The following WARS2 variants were observed in gnomAD, a reference collection of about 807,000 sequenced individuals.
WARS2 encodes tryptophanyl tRNA synthetase 2, mitochondrial.
In WARS2, 28 loss-of-function variants were observed where a neutral mutation model predicts 36.5. The ratio of observed to expected loss-of-function variants is 0.77; its 90% CI spans 0.57 to 1.05. The LOEUF is 1.05. WARS2 is among the 50% of genes least tolerant of loss of function. The pLI is 0.00. For synonymous variants in WARS2, 174 were observed against 178.4 expected (o/e 0.98, Z 0.20); for missense variants, 435 against 456.8 (o/e 0.95, Z 0.44).
intron 1 of WARS2, among the ~76,000 whole-genome samples, chr1:119,113,122 T>C (rs587671455): frequency 2.0e-5 from 3 of 152,312 alleles, no homozygotes; most frequent in East Asian, 3.9e-4. Flanking sequence ...TATGCTACTG[T>C]TAGTGATGAC....
intron 1 of WARS2, among the ~76,000 whole-genome samples, chr1:119,093,716 G>T (rs907730538): frequency 6.6e-6 from 1 of 152,154 alleles, no homozygotes; most frequent in Non-Finnish European, 1.5e-5. Flanking sequence ...AACTGTGAAA[G>T]AATACATTTC....
At chr1:119,085,462 T>G (rs587707784) in intron 1 of WARS2, 1 of 1,527,072 alleles carries the variant, frequency 6.5e-7, no homozygotes, top group Non-Finnish European at 8.8e-7. Context: ...TTTTCTTTTT[T>G]TCCTTTTTGT....
intron 2 of WARS2, among the ~76,000 whole-genome samples, chr1:119,057,344 C>G (rs555291319): frequency 6.6e-6 from 1 of 151,322 alleles, no homozygotes; most frequent in East Asian, 2.0e-4. Context: ...CAGGGTTTCA[C>G]CACATTGGCC....
rs1015633975 is a variant in WARS2 at position 119,031,624 on chromosome 1, C to T, written c.*1287G>A. 16 of 152,124 alleles carry T rather than the reference C, an allele frequency of 1.1e-4. No individual in the cohort carries two copies. The highest frequency in any genetic ancestry group is 2.2e-4 in the Non-Finnish European group (15 of 68,028). 9.4% of individuals were successfully genotyped at this position (152,124 alleles called of 1,614,324 possible). A position where few individuals can be genotyped will look rare whatever the true frequency, so the allele number is the denominator to read the frequency against. On this transcript the variant is annotated 3_prime_UTR_variant, in exon 6 of 6. Transcript: ENST00000235521. ...TCTGTTACAAAATCGATCTTGCTAA[C>T]AGGTCTTGGTGTATAAGTTAGGATT...
chr1:119,094,423 C>T (rs2101423086), intron 1 of WARS2, among the ~76,000 whole-genome samples: 1 of 151,862 alleles, frequency 6.6e-6, no homozygotes, highest in South Asian at 2.1e-4. Flanking sequence ...CATAATTACC[C>T]CAGCCCAAAC....
At chr1:119,093,383 T>C (rs1653179210) in intron 1 of WARS2, among the ~76,000 whole-genome samples, 1 of 151,376 alleles carries the variant, frequency 6.6e-6, no homozygotes, top group African/African-American at 2.4e-5. Flanking sequence ...TTGAATTATG[T>C]CCCTCCAAAA....
chr1:119,033,648 G>A (rs915432359), intron 5 of WARS2, among the ~76,000 whole-genome samples: 2 of 152,180 alleles, frequency 1.3e-5, no homozygotes, highest in African/African-American at 4.8e-5. Flanking sequence ...ATAGACTAAT[G>A]TAAGTGTTCT....
At chr1:119,140,654 G>A (rs201975705), upstream of WARS2, 63 of 1,609,854 alleles carry the variant, frequency 3.9e-5, no homozygotes, top group East Asian at 1.3e-3. Flanking sequence ...TCTTGAGAAG[G>A]GCGGAGCCGT....
At chr1:119,125,519 TG>T (rs771990525) in intron 1 of WARS2, among the ~76,000 whole-genome samples, 14 of 152,224 alleles carry the variant, frequency 9.2e-5, no homozygotes, top group Non-Finnish European at 1.3e-4. Context: ...ATTTGTTGAA[TG>T]AATCAATACT....
intron 2 of WARS2, among the ~76,000 whole-genome samples, chr1:119,051,528 G>A (rs1195186991): frequency 6.6e-6 from 1 of 152,052 alleles, no homozygotes; most frequent in South Asian, 2.1e-4. Flanking sequence ...ACGGTAGAAC[G>A]ATTTACATTC....
At chr1:119,062,542 T>C (rs1002744336) in intron 2 of WARS2, among the ~76,000 whole-genome samples, 9 of 152,214 alleles carry the variant, frequency 5.9e-5, no homozygotes, top group Non-Finnish European at 1.2e-4. Context: ...AAAAGTTGTA[T>C]GATTGATATG....
At chr1:119,127,301 C>A (rs1655735295) in intron 1 of WARS2, 1 of 651,910 alleles carries the variant, frequency 1.5e-6, no homozygotes, top group South Asian at 1.5e-5. Flanking sequence ...TGGTGCTGCT[C>A]AGAGCCAAAA....
intron 1 of WARS2, among the ~76,000 whole-genome samples, chr1:119,110,737 T>G (rs146446155): frequency 6.6e-6 from 1 of 152,236 alleles, no homozygotes; most frequent in South Asian, 2.1e-4. Flanking sequence ...ATTGATTCTG[T>G]TCCTGTCTCT....
At chr1:119,115,378 A>T (rs1345236803) in intron 1 of WARS2, among the ~76,000 whole-genome samples, 1 of 152,126 alleles carries the variant, frequency 6.6e-6, no homozygotes, top group Non-Finnish European at 1.5e-5. Context: ...TGGGATATAT[A>T]TTGTCACTGA....
Position 119,074,684 on chromosome 1 carries a change from C to T in WARS2, c.348+1666G>A, listed in dbSNP as rs151001104. Among the ~76,000 whole-genome samples, 358 of 152,272 alleles carry T rather than the reference C, an allele frequency of 2.4e-3. 2 individuals are homozygous for T. Among genetic ancestry groups the T allele is most frequent in the African/African-American group, 8.0e-3 (331 of 41,552 alleles). The stretch of plus-strand genomic sequence containing the variant: ...ATTTTTTAAACATACAGTTGGCCCT[C>T]TGAATTTGTGTGTTCTGCATCCATG... On this transcript the variant is annotated intron_variant, in intron 2 of 5. Coordinates refer to ENST00000235521, the MANE Select transcript of WARS2 (RefSeq NM_015836.4).
chr1:119,032,755 A>G lies in WARS2; in HGVS notation c.*156T>C. ...GGGATTTGGAACACTGTCGTATTTC[A>G]AAGCTACAAAGCAATATTCATCAAA... On this transcript the variant is annotated 3_prime_UTR_variant, in exon 6 of 6. Transcript: ENST00000235521. The G allele has an allele frequency of 1.4e-6, 1 of 711,814 alleles. No individual in the cohort carries two copies. The highest frequency in any genetic ancestry group is 2.3e-6 in the Non-Finnish European group (1 of 441,792). The allele number at this position is 711,814 out of a possible 1,614,324, so 44.1% of individuals were successfully genotyped here.
chr1:119,042,467 T>A, intron 3 of WARS2, 118 bp from the exon 4 acceptor site: 2 of 837,574 alleles, frequency 2.4e-6, no homozygotes, highest in Middle Eastern at 2.5e-4. Flanking sequence ...CCACCTGTAA[T>A]AACATTATAC....
intron 1 of WARS2, among the ~76,000 whole-genome samples, chr1:119,138,032 C>T (rs1387264030): frequency 6.6e-6 from 1 of 152,176 alleles, no homozygotes. Flanking sequence ...GGAGTAAGTG[C>T]ACAGCCAAGG....
intron 1 of WARS2, among the ~76,000 whole-genome samples, chr1:119,137,915 G>C (rs1656625921): frequency 6.6e-6 from 1 of 152,056 alleles, no homozygotes; most frequent in African/African-American, 2.4e-5. Flanking sequence ...TTTAAAAAAA[G>C]AAAACACTAA....
Sources: gnomAD v4.1 joint callset for allele counts (sites outside exome capture counted in the v4.1 genomes callset) on GRCh38, gnomAD v4.1.1 for gene constraint, MANE v1.5 for transcripts, NCBI Gene and HGNC (gene_info 2026-07-23, HGNC 2026-07-21) for gene names.